ROBO1: variants seen among roughly 807,000 people sequenced by gnomAD.
The protein encoded by ROBO1 is roundabout homolog 1.
Under a neutral mutation model 195.9 loss-of-function variants are expected in ROBO1, and 149 were observed. The ratio of observed to expected loss-of-function variants is 0.76; its 90% confidence interval spans 0.67 to 0.87. The LOEUF is 0.87. Among genes scored for constraint, ROBO1 ranks in the 40% least tolerant of loss-of-function variants. ROBO1 has a pLI of 0.00. For synonymous variants in ROBO1, 816 were observed against 733.2 expected (o/e 1.11, Z -1.82); for missense variants, 1,933 against 2,068.3 (o/e 0.93, Z 1.27).
chr3:79,698,738 C>A (rs1276231021), intron 1 of ROBO1, among the ~76,000 whole-genome samples: 2 of 151,346 alleles, frequency 1.3e-5, no homozygotes, highest in African/African-American at 4.8e-5. Flanking sequence ...ATTGCTGGCA[C>A]AATAAAATTT....
chr3:79,355,655 G>A (rs150889829), intron 2 of ROBO1, among the ~76,000 whole-genome samples: 69 of 152,224 alleles, frequency 4.5e-4, no homozygotes, highest in African/African-American at 1.5e-3. Context: ...TGTAAACGGT[G>A]CCCTATTTGT....
intron 2 of ROBO1, among the ~76,000 whole-genome samples, chr3:79,494,732 G>C (rs1939639398): frequency 1.3e-5 from 2 of 151,896 alleles, no homozygotes; most frequent in Non-Finnish European, 2.9e-5. Flanking sequence ...ACAAAATGAA[G>C]AACGAATAGA....
intron 10 of ROBO1, among the ~76,000 whole-genome samples, chr3:78,673,605 TAC>T (rs1553699011): frequency 0.013 from 690 of 53,176 alleles, 19 homozygotes; most frequent in African/African-American, 0.037. Context: ...TATATATATA[TAC>T]ACACATATAT....
chr3:78,663,665 C>T (rs1707562950), intron 14 of ROBO1, among the ~76,000 whole-genome samples: 1 of 152,152 alleles, frequency 6.6e-6, no homozygotes, highest in South Asian at 2.1e-4. Context: ...GCATCAAAGG[C>T]AGCTAATCCT....
Position 78,955,583 on chromosome 3 carries a change from T to C in ROBO1, c.173-16656A>G, listed in dbSNP as rs150117848. On this transcript the variant is annotated intron_variant, in intron 3 of 30. Transcript: ENST00000464233. The stretch of plus-strand genomic sequence containing the variant: ...ACATCAGATTTTCATGGAATCTGTA[T>C]ATTACAAATATAATTCGCCAAAAGT... Among the ~76,000 whole-genome samples the C allele has an allele frequency of 2.7e-3, 408 of 152,272 alleles. 2 individuals are homozygous for C. The highest frequency in any genetic ancestry group is 9.5e-3 in the African/African-American group (393 of 41,568).
chr3:79,389,963 T>C (rs1352686531), intron 2 of ROBO1, among the ~76,000 whole-genome samples: 2 of 152,124 alleles, frequency 1.3e-5, no homozygotes, highest in Non-Finnish European at 2.9e-5. Context: ...GAGTGGATGA[T>C]ACTCAGAGCA....
At chr3:79,397,257 C>A (rs1361740896) in intron 2 of ROBO1, among the ~76,000 whole-genome samples, 1 of 150,098 alleles carries the variant, frequency 6.7e-6, no homozygotes, top group Non-Finnish European at 1.5e-5. Flanking sequence ...ATTTAATAAT[C>A]ATATATATAT....
rs537164477 is a variant in ROBO1 at position 79,673,090 on chromosome 3, A to G, written c.-50-83129T>C. 2.0e-5 allele frequency among the ~76,000 whole-genome samples: 3 copies of G among 152,062 alleles called. No homozygotes were observed. In the East Asian group the frequency reaches 5.8e-4, roughly 30 times the overall value. On this transcript the variant is annotated intron_variant, in intron 1 of 30. Transcript: ENST00000464233. ...TTTTTCTTCTCTATTCCCTTTTCCAATCTGCCTGAAAGCTAGTCACTTTAC... is the reference window on the plus strand; with the variant it reads ...TTTTTCTTCTCTATTCCCTTTTCCAGTCTGCCTGAAAGCTAGTCACTTTAC...
intron 1 of ROBO1, among the ~76,000 whole-genome samples, chr3:79,605,245 A>C (rs867274441): frequency 8.1e-6 from 1 of 123,556 alleles, no homozygotes. Flanking sequence ...TTTCCGTATT[A>C]CTTTTTTTTT....
intron 3 of ROBO1, among the ~76,000 whole-genome samples, chr3:78,987,900 C>T (rs2077149299): frequency 6.6e-6 from 1 of 152,030 alleles, no homozygotes; most frequent in Non-Finnish European, 1.5e-5. Flanking sequence ...ACTATGTACC[C>T]ACCAAAATAA....
In ROBO1 at chr3:79,622,012, A is replaced by C. The variant is rs1197387465; in HGVS notation, c.-50-32051T>G. ...TTCTTCACCAGCAACAAAGGTATTCATATTCTCTCATCAGAACTGACTAGG... is the reference window on the plus strand; with the variant it reads ...TTCTTCACCAGCAACAAAGGTATTCCTATTCTCTCATCAGAACTGACTAGG... On this transcript the variant is annotated intron_variant, in intron 1 of 30. Coordinates refer to ENST00000464233, the MANE Select transcript of ROBO1 (RefSeq NM_002941.4). Among the ~76,000 whole-genome samples the C allele has an allele frequency of 2.0e-5, 3 of 152,188 alleles. No homozygotes were observed. The East Asian group carries it at 5.8e-4, about 29-fold the overall frequency.
At chr3:78,986,600 T>C (rs182070682) in intron 3 of ROBO1, among the ~76,000 whole-genome samples, 1 of 152,120 alleles carries the variant, frequency 6.6e-6, no homozygotes, top group Non-Finnish European at 1.5e-5. Flanking sequence ...AATGTTTCCT[T>C]CTCCATCTGG....
At chr3:78,763,050 A>G (rs1298099087) in intron 4 of ROBO1, among the ~76,000 whole-genome samples, 1 of 152,164 alleles carries the variant, frequency 6.6e-6, no homozygotes, top group Non-Finnish European at 1.5e-5. Flanking sequence ...AACTCTATAA[A>G]TAATTGACAG....
chr3:79,426,940 T>A (rs1401680490), intron 2 of ROBO1, among the ~76,000 whole-genome samples: 1 of 152,172 alleles, frequency 6.6e-6, no homozygotes, highest in Non-Finnish European at 1.5e-5. Context: ...CAGTCTTATA[T>A]AATCCACAAA....
At chr3:79,090,255 A>G (rs1322444818) in intron 3 of ROBO1, among the ~76,000 whole-genome samples, 1 of 152,016 alleles carries the variant, frequency 6.6e-6, no homozygotes, top group African/African-American at 2.4e-5. Context: ...TCATTTTTTT[A>G]AAACAGGTTG....
chr3:79,175,397 T>G (rs1309043930), intron 2 of ROBO1, among the ~76,000 whole-genome samples: 2 of 152,166 alleles, frequency 1.3e-5, no homozygotes, highest in Non-Finnish European at 2.9e-5. Flanking sequence ...CCTCCTGCCT[T>G]GGCCTCCCCA....
chr3:79,638,725 T>C (rs1407340191), intron 1 of ROBO1, among the ~76,000 whole-genome samples: 1 of 152,220 alleles, frequency 6.6e-6, no homozygotes, highest in East Asian at 1.9e-4. Context: ...AGAGCTTGAC[T>C]AATACTGATG....
At chr3:79,559,248 A>G (rs1394877648) in intron 2 of ROBO1, among the ~76,000 whole-genome samples, 3 of 152,108 alleles carry the variant, frequency 2.0e-5, no homozygotes, top group Admixed American at 2.0e-4. Context: ...GAGCTCTCTG[A>G]CCCTTACCTG....
At chr3:79,035,489 G>A (rs914918645) in intron 3 of ROBO1, among the ~76,000 whole-genome samples, 2 of 152,172 alleles carry the variant, frequency 1.3e-5, no homozygotes, top group African/African-American at 4.8e-5. Flanking sequence ...GGAGGCCCAG[G>A]CAGGAGGATC....
Sources: allele counts gnomAD v4.1 joint callset (sites outside exome capture counted in the v4.1 genomes callset), GRCh38; gene constraint gnomAD v4.1.1; transcripts MANE v1.5; gene names NCBI Gene and HGNC (gene_info 2026-07-23, HGNC 2026-07-21).